Variants in ARAP2 observed in about 807,000 individuals in gnomAD.
ARAP2 encodes arf-GAP with Rho-GAP domain, ANK repeat and PH domain-containing protein 2.
In ARAP2, 148 loss-of-function variants were observed where a neutral mutation model predicts 194.5. That is an observed-to-expected ratio of 0.76 (90% CI 0.67 to 0.87). The LOEUF is 0.87. ARAP2 is among the 40% of genes least tolerant of loss of function. The pLI is 0.00. For synonymous variants in ARAP2, 695 were observed against 683.5 expected, an observed-to-expected ratio of 1.02 and a Z score of -0.26; for missense variants, 2,128 against 1,989.7, an observed-to-expected ratio of 1.07 and a Z score of -1.32.
intron 27 of ARAP2, among the ~76,000 whole-genome samples, chr4:36,097,726 T>C (rs1419594948): frequency 2.0e-5 from 3 of 152,100 alleles, no homozygotes; most frequent in Non-Finnish European, 2.9e-5. Context: ...CATTAACAGG[T>C]ACTATTTCAT....
Position 36,083,446 on chromosome 4 carries a change from C to T in ARAP2, c.4430G>A (p.Ser1477Asn), listed in dbSNP as rs878999936. Reference sequence around the variant, plus strand: ...GAGAGAAAACATCTTGTCATGTTTACTACTCTGTAAGGTAAAAAAATAATT... The same window carrying T: ...GAGAGAAAACATCTTGTCATGTTTATTACTCTGTAAGGTAAAAAAATAATT... The part of the protein sequence containing the change: ...FLFLYKDVKS[S>N]KHDKMFSLSS... The change falls in exon 29 of 33, where the codon AGT becomes AAT. Residue 1477 changes from serine to asparagine, a missense_variant. Physicochemically the swap from Ser to Asn is conservative, Grantham distance 46 (BLOSUM62 1). Transcript: ENST00000303965. The T allele has an allele frequency of 6.3e-7, 1 of 1,590,522 alleles. No individual in the cohort carries two copies. The highest frequency in any genetic ancestry group is 8.6e-7 in the Non-Finnish European group (1 of 1,168,402).
chr4:36,100,548 C>A (rs1356909896), intron 27 of ARAP2, among the ~76,000 whole-genome samples: 1 of 151,992 alleles, frequency 6.6e-6, no homozygotes, highest in Non-Finnish European at 1.5e-5. Context: ...TCTAAAAAGT[C>A]CTTCCAAATT....
chr4:36,036,896 A>C (rs768062206), intron 5 of ARAP2, among the ~76,000 whole-genome samples: 2 of 152,164 alleles, frequency 1.3e-5, no homozygotes, highest in Non-Finnish European at 2.9e-5. Context: ...GTCTTCATAT[A>C]AGTTTCACCC....
chr4:36,101,399 T>A (rs984178017), intron 27 of ARAP2, among the ~76,000 whole-genome samples: 5 of 151,930 alleles, frequency 3.3e-5, no homozygotes, highest in African/African-American at 1.2e-4. Context: ...TACCAGAGTT[T>A]TTTTTTTTTT....
chr4:36,123,519 G>C (rs1325780049), intron 22 of ARAP2, among the ~76,000 whole-genome samples: 1 of 151,610 alleles, frequency 6.6e-6, no homozygotes, highest in African/African-American at 2.4e-5. Flanking sequence ...GTATAATATA[G>C]TGTTTCCTTT....
intron 19 of ARAP2, among the ~76,000 whole-genome samples, chr4:36,134,735 TACAC>T (rs71199697): frequency 1.4e-5 from 2 of 148,060 alleles, no homozygotes; most frequent in Non-Finnish European, 3.0e-5. Context: ...CACACACAAA[TACAC>T]ACACACACAC....
At chr4:36,051,694 G>C (rs946853803) in intron 3 of ARAP2, among the ~76,000 whole-genome samples, 14 of 152,066 alleles carry the variant, frequency 9.2e-5, no homozygotes, top group African/African-American at 3.4e-4. Flanking sequence ...TCTTTTAGAA[G>C]TGTTTTAAAC....
At chr4:36,021,614 G>A (rs1027873781) in intron 5 of ARAP2, among the ~76,000 whole-genome samples, 16 of 152,102 alleles carry the variant, frequency 1.1e-4, no homozygotes, top group African/African-American at 2.7e-4. Flanking sequence ...AGTGGATGCC[G>A]CTAGGCTTCC....
intron 27 of ARAP2, 80 bp from the exon 28 acceptor site, chr4:36,092,100 T>A: frequency 5.1e-6 from 7 of 1,375,202 alleles, no homozygotes; most frequent in South Asian, 1.8e-5. Context: ...TTCTATATTG[T>A]CATATAGAAA....
At chr4:36,072,689 AC>A (rs1314169683) in intron 32 of ARAP2, among the ~76,000 whole-genome samples, 22 of 144,988 alleles carry the variant, frequency 1.5e-4, no homozygotes, top group Admixed American at 3.4e-4. Flanking sequence ...CCCAAAAAAA[AC>A]AAAAAAAAAA....
chr4:36,169,532 C>CTT (rs200988075), intron 9 of ARAP2, among the ~76,000 whole-genome samples: 16 of 136,332 alleles, frequency 1.2e-4, no homozygotes, highest in South Asian at 2.4e-4. Context: ...GCAAAGATGA[C>CTT]TTTTTTTTTT....
chr4:36,101,396 G>GATTTTTTTTT (rs61553104), intron 27 of ARAP2, among the ~76,000 whole-genome samples: 2 of 149,898 alleles, frequency 1.3e-5, no homozygotes, highest in Non-Finnish European at 1.5e-5. Context: ...AAGTACCAGA[G>GATTTTTTTTT]TTTTTTTTTT....
At chr4:36,192,091 C>T (rs1006677163) in intron 7 of ARAP2, among the ~76,000 whole-genome samples, 1 of 151,662 alleles carries the variant, frequency 6.6e-6, no homozygotes, top group Non-Finnish European at 1.5e-5. Context: ...TATGGCCACA[C>T]CTATGCATCC....
At chr4:36,226,025 A>C (rs1368985967) in intron 2 of ARAP2, among the ~76,000 whole-genome samples, 1 of 152,186 alleles carries the variant, frequency 6.6e-6, no homozygotes, top group Non-Finnish European at 1.5e-5. Flanking sequence ...AGGAAAAACA[A>C]ACAGTGAAGT....
intron 19 of ARAP2, among the ~76,000 whole-genome samples, chr4:36,134,753 C>G (rs1726263309): frequency 7.1e-6 from 1 of 141,588 alleles, no homozygotes; most frequent in Admixed American, 7.1e-5. Flanking sequence ...CACACACACA[C>G]ACACACACCC....
In ARAP2 at chr4:36,128,670, T is replaced by G. The variant is rs201542781; in HGVS notation, c.3503A>C (p.Lys1168Thr). The change falls in exon 21 of 33, where the codon AAG becomes ACG. Residue 1168 changes from lysine to threonine, a missense_variant. By Grantham distance (78) the Lys-to-Thr change is moderately conservative. Coordinates refer to ENST00000303965, the MANE Select transcript of ARAP2 (RefSeq NM_015230.4). ...HISELLESFKKDARSFKLRAG... is the reference protein window; with the variant it reads ...HISELLESFKTDARSFKLRAG... ...CCTCAATTTAAAGCTTCTTGCATCC[T>G]TTTTGAAACTCTCCAGGAGTTCACT... 1.2e-4 allele frequency: 199 copies of G among 1,612,908 alleles called. No individual in the cohort carries two copies. Among genetic ancestry groups the G allele is most frequent in the Non-Finnish European group, 1.5e-4 (180 of 1,179,390 alleles).
chr4:36,056,399 T>C (rs1160481760), intron 2 of ARAP2, among the ~76,000 whole-genome samples: 1 of 152,228 alleles, frequency 6.6e-6, no homozygotes, highest in African/African-American at 2.4e-5. Context: ...TGACCACTCC[T>C]TTACAAGCAA....
chr4:36,050,874 T>C (rs1031453167), intron 3 of ARAP2, among the ~76,000 whole-genome samples: 8 of 152,210 alleles, frequency 5.3e-5, no homozygotes, highest in African/African-American at 1.9e-4. Flanking sequence ...TTTGCCTAAG[T>C]CTTTTTGGTT....
intron 3 of ARAP2, among the ~76,000 whole-genome samples, chr4:36,048,236 A>T (rs1332783928): frequency 1.3e-5 from 2 of 152,222 alleles, no homozygotes; most frequent in East Asian, 3.8e-4. Context: ...TTTAAAAATA[A>T]TTTCAACTTT....
Sources: gnomAD v4.1 joint callset for allele counts (sites outside exome capture counted in the v4.1 genomes callset) on GRCh38, gnomAD v4.1.1 for gene constraint, MANE v1.5 for transcripts, NCBI Gene and HGNC (gene_info 2026-07-23, HGNC 2026-07-21) for gene names.